SLC12A6: variants seen among roughly 807,000 people sequenced by gnomAD.
SLC12A6 encodes the protein K-Cl cotransporter 3.
In SLC12A6, 66 loss-of-function variants were observed where a neutral mutation model predicts 135.3. The observed-to-expected ratio is 0.49, with a 90% CI of 0.40 to 0.60. The LOEUF is 0.60. Ranked by LOEUF, SLC12A6 falls within the 20% of genes least tolerant of loss-of-function variation. The pLI is 0.00. For synonymous variants in SLC12A6, 513 were observed against 508.8 expected (o/e 1.01, Z -0.11); for missense variants, 1,058 against 1,452.3 (o/e 0.73, Z 4.41).
intron 19 of SLC12A6, among the ~76,000 whole-genome samples, chr15:34,240,103 C>T (rs1891541768): frequency 6.6e-6 from 1 of 151,902 alleles, no homozygotes; most frequent in Non-Finnish European, 1.5e-5. Context: ...TCCCCCCTCC[C>T]CCCACAGTAA....
intron 8 of SLC12A6, 129 bp from the exon 9 acceptor site, chr15:34,254,718 T>C: frequency 1.4e-6 from 1 of 710,422 alleles, no homozygotes; most frequent in Non-Finnish European, 2.4e-6. Context: ...GGAATTAGCC[T>C]AGTTTCTAAT....
At position 34,318,918 on chromosome 15, in the gene SLC12A6, T is replaced by C. The variant is rs1004579798; in HGVS notation, c.271+17492A>G. On this transcript the variant is annotated intron_variant, in intron 2 of 25. Coordinates refer to ENST00000354181, the MANE Select transcript of SLC12A6 (RefSeq NM_001365088.1). ...CTTAAAAGGATTAAGCACTCCACCC[T>C]TGCTTATTGTTATTAACCTGAAGAA... The C allele has an allele frequency of 3.7e-5, 35 of 945,374 alleles. No homozygotes were observed. The African/African-American group carries it at 5.9e-4, about 16-fold the overall frequency. The allele number at this position is 945,374 out of a possible 1,614,324, so 58.6% of individuals were successfully genotyped here. A position where few individuals can be genotyped will look rare whatever the true frequency, so the allele number is the denominator to read the frequency against.
chr15:34,240,974 A>G, intron 18 of SLC12A6, 145 bp from the exon 19 acceptor site: 1 of 721,400 alleles, frequency 1.4e-6, no homozygotes, highest in Non-Finnish European at 2.5e-6. Context: ...AGATGACAGG[A>G]TAAGGGCATT....
intron 2 of SLC12A6, among the ~76,000 whole-genome samples, chr15:34,278,082 C>G (rs564562457): frequency 2.6e-4 from 40 of 152,322 alleles, no homozygotes; most frequent in African/African-American, 8.7e-4. Context: ...ATAACTCTGA[C>G]AGACTAGGTA....
Position 34,233,174 on chromosome 15 carries a change from C to T in SLC12A6, c.*707G>A, listed in dbSNP as rs886051052. On this transcript the variant is annotated 3_prime_UTR_variant, in exon 26 of 26. Transcript: ENST00000354181. ...TTTTTACCTTACCAAAAACAATTTC[C>T]ATGGTAACACTGCCTGTGTTACAAT... The T allele has an allele frequency of 2.0e-5, 3 of 152,090 alleles. No homozygotes were observed. In the East Asian group the frequency reaches 5.8e-4, roughly 29 times the overall value. 9.4% of individuals were successfully genotyped at this position (152,090 alleles called of 1,614,324 possible).
At chr15:34,331,829 G>A (rs1889871250) in intron 2 of SLC12A6, among the ~76,000 whole-genome samples, 4 of 152,076 alleles carry the variant, frequency 2.6e-5, no homozygotes, top group African/African-American at 7.2e-5. Flanking sequence ...CTTAAAGAAA[G>A]GACTTATCTA....
In SLC12A6 at chr15:34,230,887, C is replaced by G. The variant is rs1047851348; in HGVS notation, c.*2994G>C. 2 of 152,542 alleles carry G rather than the reference C, an allele frequency of 1.3e-5. No individual in the cohort carries two copies. The highest frequency in any genetic ancestry group is 2.9e-5 in the Non-Finnish European group (2 of 68,034). The allele number at this position is 152,542 out of a possible 1,614,324, so 9.4% of individuals were successfully genotyped here. On this transcript the variant is annotated 3_prime_UTR_variant, in exon 26 of 26. Coordinates refer to ENST00000354181, the MANE Select transcript of SLC12A6 (RefSeq NM_001365088.1). ...TTAAAAGCCACTAATTCCCTTATCC[C>G]TTTAAAAGATTTTTACAATTCTCCA...
intron 6 of SLC12A6, 126 bp downstream of exon 6, chr15:34,257,516 T>A: frequency 1.3e-6 from 1 of 751,370 alleles, no homozygotes; most frequent in Non-Finnish European, 2.4e-6. Context: ...TCAGAATAAT[T>A]TCTTCTGTTG....
chr15:34,297,051 T>A (rs1595522678), intron 2 of SLC12A6, among the ~76,000 whole-genome samples: 2 of 152,188 alleles, frequency 1.3e-5, no homozygotes, highest in South Asian at 4.1e-4. Flanking sequence ...TCTCCCCTCA[T>A]CCTGCCATTA....
chr15:34,236,517 G>C (rs190222765), intron 23 of SLC12A6, among the ~76,000 whole-genome samples, 191 bp downstream of exon 23: 1 of 151,828 alleles, frequency 6.6e-6, no homozygotes, highest in Non-Finnish European at 1.5e-5. Flanking sequence ...GCTAATTTTC[G>C]TACTTTAGTA....
rs750240028 is a variant in SLC12A6 at position 34,320,790 on chromosome 15, G to A, written c.271+15620C>T. Among the ~76,000 whole-genome samples, 22 of 142,512 alleles carry A rather than the reference G, an allele frequency of 1.5e-4. No homozygotes were observed. The East Asian group carries it at 2.0e-3, about 13-fold the overall frequency. The allele number at this position is 142,512 out of a possible 152,430, so 93.5% of individuals were successfully genotyped here. ...ATCTTAGCCAGGCGTGGTGGCGGGC[G>A]CCTGTAGTTCCAGAAGGCTGAGACA... On this transcript the variant is annotated intron_variant, in intron 2 of 25. Transcript: ENST00000354181.
chr15:34,237,352 G>A (rs1316792541), intron 22 of SLC12A6, 67 bp downstream of exon 22: 5 of 1,459,302 alleles, frequency 3.4e-6, no homozygotes, highest in Non-Finnish European at 4.8e-6. Flanking sequence ...AACCAGAAAA[G>A]ATTCAAGGAA....
chr15:34,336,926 A>T, intron 1 of SLC12A6, 174 bp from the exon 2 acceptor site: 2 of 554,120 alleles, frequency 3.6e-6, no homozygotes, highest in Non-Finnish European at 6.4e-6. Context: ...AAAAACAAAA[A>T]GACAAAACAA....
chr15:34,336,298 G>A lies in SLC12A6; in HGVS notation c.271+112C>T, dbSNP rs1890188612. 7.8e-6 allele frequency: 7 copies of A among 901,610 alleles called. No individual in the cohort carries two copies. The East Asian group carries it at 1.8e-4, about 23-fold the overall frequency. 55.9% of individuals were successfully genotyped at this position (901,610 alleles called of 1,614,324 possible). A position where few individuals can be genotyped will look rare whatever the true frequency, so the allele number is the denominator to read the frequency against. On this transcript the variant is annotated intron_variant, in intron 2 of 25. Coordinates refer to ENST00000354181, the MANE Select transcript of SLC12A6 (RefSeq NM_001365088.1). Reference sequence around the variant, plus strand: ...CTCACAAAGAGATGCCTTGGTTCCTGATGACTATTATAATCATAATTATAT... The same window carrying A: ...CTCACAAAGAGATGCCTTGGTTCCTAATGACTATTATAATCATAATTATAT...
At chr15:34,245,260 AC>A in intron 15 of SLC12A6, 24 bp downstream of exon 15, 1 of 1,164,668 alleles carries the variant, frequency 8.6e-7, no homozygotes. Flanking sequence ...AGCAAGAATA[AC>A]TGAAGAGAAT....
intron 2 of SLC12A6, among the ~76,000 whole-genome samples, chr15:34,292,112 T>A (rs961725727): frequency 2.0e-5 from 3 of 152,226 alleles, no homozygotes; most frequent in African/African-American, 7.2e-5. Context: ...TTTCTTCCCA[T>A]CTTTGTGGTT....
chr15:34,318,778 C>T (rs1191451749), intron 2 of SLC12A6: 7 of 1,585,044 alleles, frequency 4.4e-6, no homozygotes. Flanking sequence ...AGACTGTGAT[C>T]CCTGCCTACA....
At chr15:34,308,210 G>T (rs190607784) in intron 2 of SLC12A6, among the ~76,000 whole-genome samples, 1 of 152,190 alleles carries the variant, frequency 6.6e-6, no homozygotes, top group African/African-American at 2.4e-5. Flanking sequence ...TAAGCATGCA[G>T]ATCTAAATTT....
At chr15:34,318,584 C>A (rs747209955) in intron 2 of SLC12A6, 1 of 1,613,804 alleles carries the variant, frequency 6.2e-7, no homozygotes, top group African/African-American at 1.3e-5. Flanking sequence ...ATCCTGAATC[C>A]GGGCTTTTAT....
Sources: gnomAD v4.1 joint callset for allele counts (sites outside exome capture counted in the v4.1 genomes callset) on GRCh38, gnomAD v4.1.1 for gene constraint, MANE v1.5 for transcripts, NCBI Gene and HGNC (gene_info 2026-07-23, HGNC 2026-07-21) for gene names.